The following SGPP2 variants were observed in gnomAD, a reference collection of about 807,000 sequenced individuals.
SGPP2 encodes the protein sphingosine 1-phosphate phosphohydrolase 2.
A neutral mutation model predicts 33.9 loss-of-function variants in SGPP2; 30 were observed. That is an observed-to-expected ratio of 0.89 (90% confidence interval 0.66 to 1.20). SGPP2 has a LOEUF of 1.20. Ranked by LOEUF, SGPP2 falls within the 50% of genes most tolerant of loss-of-function variation. The pLI, the probability that SGPP2 is intolerant of heterozygous loss-of-function variation, is 0.00. For missense variants in SGPP2, 458 were observed against 532.1 expected (o/e 0.86, Z 1.37); for synonymous variants, 233 against 225.0 (o/e 1.04, Z -0.32).
At position 222,477,407 on chromosome 2, in the gene SGPP2, ATG is replaced by A. The variant is rs1324253374; in HGVS notation, c.378+2687_378+2688del. Among the ~76,000 whole-genome samples, 81 of 151,500 alleles carry A rather than the reference ATG, an allele frequency of 5.3e-4. 1 individual carries two copies. Among genetic ancestry groups the A allele is most frequent in the African/African-American group, 1.7e-3 (69 of 41,210 alleles). ...TATATATGTGTATAGGTGTGTATATATGTGTGTTTATAGGTATGTATATATGT... is the reference window on the plus strand; with the variant it reads ...TATATATGTGTATAGGTGTGTATATATGTGTTTATAGGTATGTATATATGT... On this transcript the variant is annotated intron_variant, in intron 2 of 4. Transcript: ENST00000321276. The surrounding 1 kb of genome is among the most constrained non-coding windows in gnomAD (Gnocchi z 6.0).
chr2:222,478,518 G>A (rs1048766843), intron 2 of SGPP2, among the ~76,000 whole-genome samples: 1 of 152,094 alleles, frequency 6.6e-6, no homozygotes, highest in African/African-American at 2.4e-5. Context: ...TTCAGAAAAC[G>A]ATATCCCTAA....
intron 1 of SGPP2, among the ~76,000 whole-genome samples, chr2:222,461,733 G>A (rs1017438975): frequency 7.2e-5 from 11 of 152,016 alleles, no homozygotes; most frequent in African/African-American, 2.7e-4. Context: ...ATCTAACGGG[G>A]CCACTGATCT....
At chr2:222,496,183 A>G (rs557463205) in intron 2 of SGPP2, among the ~76,000 whole-genome samples, 1 of 152,358 alleles carries the variant, frequency 6.6e-6, no homozygotes, top group East Asian at 1.9e-4. Context: ...GTTCCACCCT[A>G]CAGTACTTGT....
rs1349492405 is a variant in SGPP2 at position 222,465,998 on chromosome 2, G to T, written c.220-8570G>T. On this transcript the variant is annotated intron_variant, in intron 1 of 4. Coordinates refer to ENST00000321276, the MANE Select transcript of SGPP2 (RefSeq NM_152386.4). The surrounding 1 kb of genome is among the most constrained non-coding windows in gnomAD (Gnocchi z 4.1). Reference sequence around the variant, plus strand: ...TTCGTCATAGCACTTATTGCTAAATGAAGTAGTCTTGCTAGCTGGCTGTGG... The same window carrying T: ...TTCGTCATAGCACTTATTGCTAAATTAAGTAGTCTTGCTAGCTGGCTGTGG... Among the ~76,000 whole-genome samples the T allele has an allele frequency of 2.6e-5, 4 of 152,096 alleles. No individual in the cohort carries two copies. The highest frequency in any genetic ancestry group is 5.9e-5 in the Non-Finnish European group (4 of 68,008).
Position 222,493,132 on chromosome 2 carries a change from T to G in SGPP2, c.378+18406T>G, listed in dbSNP as rs1296770032. ...AAGTATCTTTATAGCAGTGCCCCAC[T>G]ACTTTGGTACCAATTTACTGTATTA... On this transcript the variant is annotated intron_variant, in intron 2 of 4. Coordinates refer to ENST00000321276, the MANE Select transcript of SGPP2 (RefSeq NM_152386.4). Among the ~76,000 whole-genome samples the G allele has an allele frequency of 2.0e-5, 3 of 152,364 alleles. No individual in the cohort carries two copies. The East Asian group carries it at 5.8e-4, about 29-fold the overall frequency.
intron 1 of SGPP2, among the ~76,000 whole-genome samples, chr2:222,439,221 AGGATGG>A (rs1697289234): frequency 6.6e-6 from 1 of 152,140 alleles, no homozygotes; most frequent in Non-Finnish European, 1.5e-5. Context: ...TCCTTGGGGA[AGGATGG>A]GAGAAAGATT....
Position 222,517,659 on chromosome 2 carries a change from G to A in SGPP2, c.379-4108G>A, listed in dbSNP as rs541834417. Among the ~76,000 whole-genome samples, 12 of 152,328 alleles carry A rather than the reference G, an allele frequency of 7.9e-5. No individual in the cohort carries two copies. The East Asian group carries it at 1.5e-3, about 20-fold the overall frequency. On this transcript the variant is annotated intron_variant, in intron 2 of 4. Coordinates refer to ENST00000321276, the MANE Select transcript of SGPP2 (RefSeq NM_152386.4). ...CAGAGCTAAAAGAGCACTGTAGCAT[G>A]CCCACTGGGGCTTTGAGAGTTGCAG... is the stretch of plus-strand genomic sequence containing the variant.
At chr2:222,488,204 T>C (rs148532377) in intron 2 of SGPP2, among the ~76,000 whole-genome samples, 2 of 152,328 alleles carry the variant, frequency 1.3e-5, no homozygotes, top group Non-Finnish European at 2.9e-5. Context: ...GACGCAATCA[T>C]TAATGGTCCT....
rs1337758036 is a variant in SGPP2 at position 222,424,682 on chromosome 2, C to A, written c.80C>A (p.Pro27Gln). 8 of 1,448,662 alleles carry A rather than the reference C, an allele frequency of 5.5e-6. No homozygotes were observed. Among genetic ancestry groups the A allele is most frequent in the Middle Eastern group, 2.4e-4 (1 of 4,186 alleles). 89.7% of individuals were successfully genotyped at this position (1,448,662 alleles called of 1,614,324 possible). A position where few individuals can be genotyped will look rare whatever the true frequency, so the allele number is the denominator to read the frequency against. The change falls in exon 1 of 5, where the codon CCG becomes CAG. Residue 27 changes from proline (P) to glutamine (Q), a missense_variant. Transcript: ENST00000321276. ...CGCCGCTGCGGGCTCTTCCCCGCTC[C>A]GGATGAAGGCCCCCGGGAGAACGGC... The part of the protein sequence containing the change: ...FQRRCGLFPA[P>Q]DEGPRENGAD...
intron 1 of SGPP2, among the ~76,000 whole-genome samples, chr2:222,434,566 A>C (rs1697206449): frequency 1.3e-5 from 2 of 152,332 alleles, no homozygotes; most frequent in South Asian, 4.1e-4. Flanking sequence ...TGGCAGTGCT[A>C]TACCTCTATT....
At chr2:222,527,937 A>G (rs1378317440) in intron 4 of SGPP2, among the ~76,000 whole-genome samples, 1 of 152,164 alleles carries the variant, frequency 6.6e-6, no homozygotes, top group African/African-American at 2.4e-5. Flanking sequence ...TCTTGTGGTA[A>G]AGAAACCTAT....
chr2:222,502,938 A>G (rs1698389655), intron 2 of SGPP2, among the ~76,000 whole-genome samples: 1 of 152,184 alleles, frequency 6.6e-6, no homozygotes, highest in Non-Finnish European at 1.5e-5. Context: ...TAAAAATGTG[A>G]ATAGGAAGAA....
At chr2:222,426,872 A>G (rs971453469) in intron 1 of SGPP2, among the ~76,000 whole-genome samples, 1 of 152,176 alleles carries the variant, frequency 6.6e-6, no homozygotes, top group Admixed American at 6.5e-5. Flanking sequence ...GGCAGTTGTG[A>G]AAAGTGTGCT....
chr2:222,475,231 G>A (rs530022362), intron 2 of SGPP2, among the ~76,000 whole-genome samples: 8 of 152,124 alleles, frequency 5.3e-5, no homozygotes, highest in South Asian at 2.1e-4. Context: ...CACCACACGC[G>A]GTTATTTTGG....
At chr2:222,529,068 TGGA>T (rs1187587947) in intron 4 of SGPP2, among the ~76,000 whole-genome samples, 1 of 152,226 alleles carries the variant, frequency 6.6e-6, no homozygotes, top group Non-Finnish European at 1.5e-5. Flanking sequence ...ACCTTTTACC[TGGA>T]GGAGAACTTT....
At chr2:222,427,106 C>T (rs1164093644) in intron 1 of SGPP2, among the ~76,000 whole-genome samples, 2 of 152,194 alleles carry the variant, frequency 1.3e-5, no homozygotes, top group African/African-American at 4.8e-5. Flanking sequence ...GTGTGGATAT[C>T]TGATTATTCC....
At chr2:222,537,434 A>C (rs1343833033) in intron 4 of SGPP2, among the ~76,000 whole-genome samples, 1 of 152,248 alleles carries the variant, frequency 6.6e-6, no homozygotes, top group African/African-American at 2.4e-5. Flanking sequence ...TAAAAGAAGA[A>C]ATAAAAATGT....
intron 1 of SGPP2, among the ~76,000 whole-genome samples, chr2:222,443,722 C>G (rs1697359180): frequency 6.6e-6 from 1 of 152,090 alleles, no homozygotes; most frequent in African/African-American, 2.4e-5. Flanking sequence ...GGGATCTTGG[C>G]TATAGTGAGC....
At chr2:222,498,292 TG>T (rs1201734834) in intron 2 of SGPP2, 4 of 152,312 alleles carry the variant, frequency 2.6e-5, no homozygotes, top group Admixed American at 2.6e-4. Flanking sequence ...TTAATTACTA[TG>T]ATCACTTCAG....
Sources: allele counts gnomAD v4.1 joint callset (sites outside exome capture counted in the v4.1 genomes callset), GRCh38; gene constraint gnomAD v4.1.1; non-coding constraint Gnocchi (gnomAD v3.1); transcripts MANE v1.5; gene names NCBI Gene and HGNC (gene_info 2026-07-23, HGNC 2026-07-21).